Variants in MKX observed in about 807,000 individuals in gnomAD.
MKX encodes the protein homeobox protein Mohawk.
Under a neutral mutation model 36.0 loss-of-function variants are expected in MKX, and 13 were observed. The observed-to-expected ratio is 0.36, with a 90% CI of 0.24 to 0.57. MKX has a LOEUF of 0.57. MKX is among the 20% of genes least tolerant of loss of function. MKX has a pLI of 0.79. For missense variants in MKX, 458 were observed against 456.4 expected, an observed-to-expected ratio of 1.00 and a Z score of -0.03; for synonymous variants, 176 against 178.3, an observed-to-expected ratio of 0.99 and a Z score of 0.10.
chr10:27,678,460 A>C (rs1031839446), intron 5 of MKX, among the ~76,000 whole-genome samples: 1 of 152,224 alleles, frequency 6.6e-6, no homozygotes, highest in Non-Finnish European at 1.5e-5. Context: ...AACAAAACAT[A>C]ATTTAGAGAA....
intron 5 of MKX, among the ~76,000 whole-genome samples, chr10:27,705,447 T>G (rs1836731158): frequency 6.6e-6 from 1 of 152,156 alleles, no homozygotes. Flanking sequence ...CTCAAACTTC[T>G]GGGCTCAAGC....
intron 5 of MKX, among the ~76,000 whole-genome samples, chr10:27,694,831 C>T (rs893304087): frequency 1.5e-4 from 22 of 151,318 alleles, no homozygotes; most frequent in Non-Finnish European, 2.9e-4. Flanking sequence ...GCCTGGCACT[C>T]GTACACAAGA....
Position 27,741,865 on chromosome 10 carries a change from A to C in MKX, c.189-361T>G, listed in dbSNP as rs2132655936. Among the ~76,000 whole-genome samples the C allele has an allele frequency of 6.6e-6, 1 of 152,250 alleles. No homozygotes were observed. The highest frequency in any genetic ancestry group is 2.1e-4 in the South Asian group (1 of 4,828). On this transcript the variant is annotated intron_variant, in intron 2 of 6. Coordinates refer to ENST00000419761, the MANE Select transcript of MKX (RefSeq NM_173576.3). The surrounding 1 kb of genome is among the most constrained non-coding windows in gnomAD (Gnocchi z 5.1). ...CTCACCCGCTGGCGCCGCACCCTCG[A>C]GTGGCCCTGGCCTGGCAGGCCTGGC... is the stretch of plus-strand genomic sequence containing the variant.
chr10:27,743,441 C>A lies in MKX; in HGVS notation c.-26G>T, dbSNP rs1170913984. On this transcript the variant is annotated 5_prime_UTR_variant, in exon 2 of 7. Coordinates refer to ENST00000419761, the MANE Select transcript of MKX (RefSeq NM_173576.3). Reference sequence around the variant, plus strand: ...GGTGTCGGTTGGTAGGGACGCGCGGCGCGGCCGCAGAGCCTCGGGGCTGGG... The same window carrying A: ...GGTGTCGGTTGGTAGGGACGCGCGGAGCGGCCGCAGAGCCTCGGGGCTGGG... The A allele has an allele frequency of 6.6e-7, 1 of 1,515,194 alleles. No homozygotes were observed. The allele number at this position is 1,515,194 out of a possible 1,614,324, so 93.9% of individuals were successfully genotyped here.
At chr10:27,702,219 G>C (rs940748580) in intron 5 of MKX, among the ~76,000 whole-genome samples, 5 of 152,296 alleles carry the variant, frequency 3.3e-5, no homozygotes, top group East Asian at 3.9e-4. Context: ...AAGGGAAAAG[G>C]CTGCTGCTGG....
Position 27,735,335 on chromosome 10 carries a change from T to A in MKX, c.388A>T (p.Asn130Tyr). 1 of 1,613,744 alleles carries A rather than the reference T, an allele frequency of 6.2e-7. No homozygotes were observed. The highest frequency in any genetic ancestry group is 8.5e-7 in the Non-Finnish European group (1 of 1,179,878). ...CTTAAATCTGGCTGTCGAACGGTAT[T>A]CTTAAGCCGACGTCTTGCATTAGCA... ...WFANARRRLK[N>Y]TVRQPDLSWA... The change falls in exon 4 of 7, where the codon AAT (asparagine) becomes TAT (tyrosine). Residue 130 changes from asparagine (N) to tyrosine (Y), a missense_variant. Asn to Tyr is a moderately radical substitution (Grantham distance 143, BLOSUM62 -2). Transcript: ENST00000419761.
rs1836704739 is a variant in MKX, at chr10:27,703,817, T to TTGAACCCAGGAGATGGAGGTTTCAG, written c.839-28288_839-28264dup. ...CAGGAGGCTGAGGCAGGAGAATCGC[T>TTGAACCCAGGAGATGGAGGTTTCAG]TGAACCCAGGAGATGGAGGTTTCAG... On this transcript the variant is annotated intron_variant, in intron 5 of 6. Coordinates refer to ENST00000419761, the MANE Select transcript of MKX (RefSeq NM_173576.3). 9.2e-5 allele frequency among the ~76,000 whole-genome samples: 14 copies of TTGAACCCAGGAGATGGAGGTTTCAG among 152,204 alleles called. No homozygotes were observed. In the South Asian group the frequency reaches 2.9e-3, roughly 32 times the overall value.
chr10:27,711,499 T>TCTCTCTCTCTTCC (rs1554772224), intron 5 of MKX, among the ~76,000 whole-genome samples: 4 of 93,032 alleles, frequency 4.3e-5, no homozygotes, highest in African/African-American at 2.1e-4. Flanking sequence ...CTCTCTCTTC[T>TCTCTCTCTCTTCC]TTCCTTCCTT....
intron 5 of MKX, among the ~76,000 whole-genome samples, chr10:27,697,463 A>G (rs758344484): frequency 2.0e-5 from 3 of 152,238 alleles, no homozygotes; most frequent in South Asian, 2.1e-4. Flanking sequence ...CTCATTTCTT[A>G]TTTGTGCACA....
chr10:27,697,564 TCAA>T (rs371618613), intron 5 of MKX, among the ~76,000 whole-genome samples: 1 of 152,310 alleles, frequency 6.6e-6, no homozygotes, highest in African/African-American at 2.4e-5. Context: ...AAATTGTTAG[TCAA>T]CAATAGGGCT....
intron 5 of MKX, among the ~76,000 whole-genome samples, chr10:27,726,068 C>T (rs1405401357): frequency 6.6e-6 from 1 of 152,146 alleles, no homozygotes; most frequent in Non-Finnish European, 1.5e-5. Flanking sequence ...TGACTGACCA[C>T]TGAAGCAAGT....
intron 5 of MKX, among the ~76,000 whole-genome samples, chr10:27,707,644 G>T (rs956588705): frequency 6.6e-6 from 1 of 152,200 alleles, no homozygotes; most frequent in Admixed American, 6.5e-5. Context: ...CCACACTGCT[G>T]CATCCTCTCT....
rs774529721 is a variant in MKX at position 27,741,356 on chromosome 10, T to A, written c.337A>T (p.Thr113Ser). The change falls in exon 3 of 7, where the codon ACG becomes TCG. Residue 113 changes from threonine to serine, a missense_variant. By Grantham distance (58) the Thr-to-Ser change is moderately conservative (BLOSUM62 1). Transcript: ENST00000419761. The surrounding 1 kb of genome is among the most constrained non-coding windows in gnomAD (Gnocchi z 5.1). The stretch of plus-strand genomic sequence containing the variant: ...TGGGTCCTGATTACCTGCACTAGCG[T>A]CATCTGCGAGCCGAGGGCCAAGAGT... ...KILLALGSQMTLVQVSNWFAN... is the reference protein window; with the variant it reads ...KILLALGSQMSLVQVSNWFAN... 5 of 1,612,734 alleles carry A rather than the reference T, an allele frequency of 3.1e-6. No homozygotes were observed. The highest frequency in any genetic ancestry group is 4.2e-6 in the Non-Finnish European group (5 of 1,179,492).
chr10:27,733,293 A>T (rs1196128586), intron 5 of MKX, among the ~76,000 whole-genome samples: 1 of 152,202 alleles, frequency 6.6e-6, no homozygotes, highest in East Asian at 1.9e-4. Context: ...TTGCTGGTGA[A>T]ATGATCTAAA....
At chr10:27,676,166 CAGGAGGCTGAGGTGGG>C (rs1455704604) in intron 5 of MKX, among the ~76,000 whole-genome samples, 1 of 151,908 alleles carries the variant, frequency 6.6e-6, no homozygotes, top group Non-Finnish European at 1.5e-5. Flanking sequence ...CCCAGTTACT[CAGGAGGCTGAGGTGGG>C]AGGATTGCTT....
chr10:27,711,332 A>C (rs2132592397), intron 5 of MKX, among the ~76,000 whole-genome samples: 1 of 152,140 alleles, frequency 6.6e-6, no homozygotes, highest in Admixed American at 6.5e-5. Flanking sequence ...CTACTCTTAA[A>C]ATGCTATTTT....
At chr10:27,702,089 T>C (rs1836668892) in intron 5 of MKX, among the ~76,000 whole-genome samples, 1 of 152,140 alleles carries the variant, frequency 6.6e-6, no homozygotes, top group African/African-American at 2.4e-5. Flanking sequence ...AAATTCCTTC[T>C]ATTCAAAGTT....
chr10:27,719,780 T>G (rs1440072995), intron 5 of MKX, among the ~76,000 whole-genome samples: 1 of 151,978 alleles, frequency 6.6e-6, no homozygotes, highest in African/African-American at 2.4e-5. Flanking sequence ...AGGCCATGAG[T>G]TTGAGAGCAG....
Position 27,741,336 on chromosome 10 carries a change from C to A in MKX, c.348+9G>T, listed in dbSNP as rs1288851080. 1.9e-6 allele frequency: 3 copies of A among 1,612,374 alleles called. No individual in the cohort carries two copies. Among genetic ancestry groups the A allele is most frequent in the Non-Finnish European group, 2.5e-6 (3 of 1,179,334 alleles). On this transcript the variant is annotated intron_variant, in intron 3 of 6. Transcript: ENST00000419761. The surrounding 1 kb of genome is among the most constrained non-coding windows in gnomAD (Gnocchi z 5.1). ...AAAACGGATCAGGGTGTTAATGGGT[C>A]CTGATTACCTGCACTAGCGTCATCT... is the stretch of plus-strand genomic sequence containing the variant.
Sources: allele counts gnomAD v4.1 joint callset (sites outside exome capture counted in the v4.1 genomes callset), GRCh38; gene constraint gnomAD v4.1.1; non-coding constraint Gnocchi (gnomAD v3.1); transcripts MANE v1.5; gene names NCBI Gene and HGNC (gene_info 2026-07-23, HGNC 2026-07-21).